SLC25A32: variants seen among roughly 807,000 people sequenced by gnomAD.
SLC25A32 encodes the protein Glycine auxotroph B, complementation of hamster.
SLC25A32 carries 32 observed loss-of-function variants against 39.0 expected under a neutral mutation model. The ratio of observed to expected loss-of-function variants is 0.82; its 90% confidence interval spans 0.62 to 1.10. The LOEUF is 1.10. SLC25A32 is among the 50% of genes least tolerant of loss of function. The pLI is 0.00. For synonymous variants in SLC25A32, 166 were observed against 152.4 expected (o/e 1.09, Z -0.66); for missense variants, 367 against 395.3 (o/e 0.93, Z 0.61).
chr8:103,403,742 C>A (rs1349899465), intron 3 of SLC25A32, among the ~76,000 whole-genome samples: 1 of 152,174 alleles, frequency 6.6e-6, no homozygotes, highest in African/African-American at 2.4e-5. Flanking sequence ...GAATCTGGCA[C>A]CCCAATAATC....
At chr8:103,406,065 G>GTGTATATATATA (rs372284581) in intron 2 of SLC25A32, among the ~76,000 whole-genome samples, 4,683 of 143,876 alleles carry the variant, frequency 0.033, 97 homozygotes, top group Non-Finnish European at 0.048. Context: ...GTGTGTGTGT[G>GTGTATATATATA]TATATATATA....
rs1015895748 is a variant in SLC25A32, at chr8:103,402,053, C to A, written c.554G>T (p.Gly185Val). 6.2e-7 allele frequency: 1 copy of A among 1,600,518 alleles called. No individual in the cohort carries two copies. Among genetic ancestry groups the A allele is most frequent in the African/African-American group, 1.3e-5 (1 of 74,498 alleles). ...KYEGVRGLYK[G>V]FVPGLFGTSH... ...TGTTCCAAACAGCCCAGGAACAAAT[C>A]CCTACAAGGGAATGATTTTTAAAAA... Residue 185 changes from glycine to valine, a missense_variant and splice_region_variant, in exon 5 of 7, where the codon GGA becomes GTA. By Grantham distance (109) the Gly-to-Val change is moderately radical. Coordinates refer to ENST00000297578, the MANE Select transcript of SLC25A32 (RefSeq NM_030780.5).
intron 2 of SLC25A32, among the ~76,000 whole-genome samples, chr8:103,405,653 C>T (rs773849500): frequency 3.3e-5 from 5 of 151,794 alleles, no homozygotes; most frequent in African/African-American, 9.7e-5. Flanking sequence ...CAAGTGAACA[C>T]ATTCTTTCTT....
chr8:103,407,579 G>A (rs1009957387), intron 2 of SLC25A32, 55 bp downstream of exon 2: 65 of 1,370,592 alleles, frequency 4.7e-5, no homozygotes, highest in Non-Finnish European at 5.7e-5. Flanking sequence ...AAAAATCACC[G>A]AAAACAAAAA....
chr8:103,410,450 C>T (rs942362853), intron 1 of SLC25A32, among the ~76,000 whole-genome samples: 2 of 152,144 alleles, frequency 1.3e-5, no homozygotes, highest in Non-Finnish European at 2.9e-5. Flanking sequence ...TACAGAATCT[C>T]GAACCCTATT....
At chr8:103,412,243 A>G (rs1371962517) in intron 1 of SLC25A32, among the ~76,000 whole-genome samples, 2 of 152,180 alleles carry the variant, frequency 1.3e-5, no homozygotes, top group African/African-American at 4.8e-5. Context: ...CTGTTACTGA[A>G]TTTTACGTTT....
chr8:103,407,720 C>A lies in SLC25A32; in HGVS notation c.219G>T (p.Trp73Cys), dbSNP rs754300748. Residue 73 changes from tryptophan (W) to cysteine (C), a missense_variant, in exon 2 of 7, where the codon TGG becomes TGT. Physicochemically the swap from Trp to Cys is radical, Grantham distance 215. Transcript: ENST00000297578. Reference protein sequence around the residue: ...NGILHCLTTIWKLDGLRGLYQ... With the variant: ...NGILHCLTTICKLDGLRGLYQ... ...AAAGTCCCCGTAGTCCATCAAGTTT[C>A]CAAATGGTAGTCAAGCAATGTAAAA... The A allele has an allele frequency of 3.7e-6, 6 of 1,613,186 alleles. No homozygotes were observed. The South Asian group carries it at 6.6e-5, about 18-fold the overall frequency.
At chr8:103,414,102 GAACTT>G (rs1328938294) in intron 1 of SLC25A32, among the ~76,000 whole-genome samples, 3 of 152,158 alleles carry the variant, frequency 2.0e-5, no homozygotes, top group African/African-American at 2.4e-5. Flanking sequence ...TCTCAAGGCT[GAACTT>G]AACTTGTAAT....
intron 1 of SLC25A32, among the ~76,000 whole-genome samples, chr8:103,414,362 T>C (rs1484152577): frequency 6.6e-6 from 1 of 152,194 alleles, no homozygotes; most frequent in African/African-American, 2.4e-5. Context: ...CTCCCAACCA[T>C]TCGCTGAAGA....
chr8:103,412,634 G>A (rs1322750887), intron 1 of SLC25A32, among the ~76,000 whole-genome samples: 3 of 152,106 alleles, frequency 2.0e-5, no homozygotes, highest in Non-Finnish European at 2.9e-5. Context: ...CCCACAATAA[G>A]GCAGCCCCCT....
At chr8:103,410,178 A>C (rs1816431813) in intron 1 of SLC25A32, among the ~76,000 whole-genome samples, 1 of 152,194 alleles carries the variant, frequency 6.6e-6, no homozygotes, top group Non-Finnish European at 1.5e-5. Context: ...ATAGGTATAA[A>C]CCAATGCTGA....
intron 1 of SLC25A32, among the ~76,000 whole-genome samples, chr8:103,411,421 G>A (rs963826355): frequency 1.3e-5 from 2 of 151,714 alleles, no homozygotes; most frequent in East Asian, 1.9e-4. Flanking sequence ...CCTGGCCCCC[G>A]AGACAATCTC....
chr8:103,411,569 A>C (rs539254468), intron 1 of SLC25A32, among the ~76,000 whole-genome samples: 86 of 152,114 alleles, frequency 5.7e-4, no homozygotes, highest in Non-Finnish European at 1.2e-3. Context: ...ATATTGTGTA[A>C]ATCCCTCTCT....
chr8:103,403,348 T>C, intron 3 of SLC25A32, 24 bp from the exon 4 acceptor site: 1 of 1,559,892 alleles, frequency 6.4e-7, no homozygotes, highest in South Asian at 1.2e-5. Flanking sequence ...TCAATAAGAT[T>C]ATTCAGCATA....
In SLC25A32 at chr8:103,399,665, G is replaced by A. The variant is rs1038768121; in HGVS notation, c.*746C>T. The A allele has an allele frequency of 5.9e-5, 9 of 152,242 alleles. No individual in the cohort carries two copies. Among genetic ancestry groups the A allele is most frequent in the African/African-American group, 2.2e-4 (9 of 41,456 alleles). 9.4% of individuals were successfully genotyped at this position (152,242 alleles called of 1,614,324 possible). A position where few individuals can be genotyped will look rare whatever the true frequency, so the allele number is the denominator to read the frequency against. On this transcript the variant is annotated 3_prime_UTR_variant, in exon 7 of 7. Coordinates refer to ENST00000297578, the MANE Select transcript of SLC25A32 (RefSeq NM_030780.5). ...CGCCTGTAATCCCAGCACTTTGGGA[G>A]GCCAAGGCAGGCGGATCACAAGGTC...
At chr8:103,404,917 T>A in intron 2 of SLC25A32, 56 bp from the exon 3 acceptor site, 1 of 1,279,072 alleles carries the variant, frequency 7.8e-7, no homozygotes, top group Non-Finnish European at 1.1e-6. Context: ...AAGTCTGTTT[T>A]AAAGTGTATG....
rs1816162333 is a variant in SLC25A32, at chr8:103,399,019, G to A, written c.*1392C>T. 6.6e-6 allele frequency: 1 copy of A among 152,308 alleles called. No individual in the cohort carries two copies. Among genetic ancestry groups the A allele is most frequent in the Non-Finnish European group, 1.5e-5 (1 of 68,010 alleles). The allele number at this position is 152,308 out of a possible 1,614,324, so 9.4% of individuals were successfully genotyped here. ...AATAGATGGTAGTGCAACAGCACTC[G>A]TGGATGTTTACGATAAATAAAAATA... On this transcript the variant is annotated 3_prime_UTR_variant, in exon 7 of 7. Transcript: ENST00000297578.
intron 1 of SLC25A32, 24 bp downstream of exon 1, chr8:103,414,760 C>T (rs759116286): frequency 1.2e-6 from 2 of 1,612,956 alleles, no homozygotes; most frequent in South Asian, 1.1e-5. Context: ...GAGGATGCAG[C>T]CCGGTGTCTG....
chr8:103,406,810 C>T (rs77110180), intron 2 of SLC25A32, among the ~76,000 whole-genome samples: 64 of 152,274 alleles, frequency 4.2e-4, no homozygotes, highest in African/African-American at 1.3e-3. Flanking sequence ...TTTTTGTAAG[C>T]CATCTCAAAT....
Sources: allele counts gnomAD v4.1 joint callset (sites outside exome capture counted in the v4.1 genomes callset), GRCh38; gene constraint gnomAD v4.1.1; transcripts MANE v1.5; gene names NCBI Gene and HGNC (gene_info 2026-07-23, HGNC 2026-07-21).